The following NBAS variants were observed in gnomAD, a reference collection of about 807,000 sequenced individuals.
The protein encoded by NBAS is NAG/BC035112 fusion.
In NBAS, 219 loss-of-function variants were observed where a neutral mutation model predicts 302.5. That is an observed-to-expected ratio of 0.72 (90% CI 0.65 to 0.81). The LOEUF (loss-of-function observed/expected upper bound fraction) is 0.81. NBAS is among the 30% of genes least tolerant of loss of function. The pLI, the probability that NBAS is intolerant of heterozygous loss-of-function variation, is 0.00. For synonymous variants in NBAS, 1,118 were observed against 1,021.6 expected, an observed-to-expected ratio of 1.09 and a Z score of -1.80; for missense variants, 2,932 against 2,841.6, an observed-to-expected ratio of 1.03 and a Z score of -0.72.
intron 47 of NBAS, among the ~76,000 whole-genome samples, chr2:15,221,990 G>T (rs7594619): frequency 0.028 from 4,212 of 152,300 alleles, 113 homozygotes; most frequent in East Asian, 0.12. Context: ...TCACTCAATA[G>T]AGCAGAGCCT....
chr2:15,041,129 T>G, the NBAS span, among the ~76,000 whole-genome samples: 1 of 152,188 alleles, frequency 6.6e-6, no homozygotes, highest in African/African-American at 2.4e-5. Context: ...TCACTCTTCA[T>G]TCAAGCCAGA....
chr2:15,237,924 G>A lies in NBAS; in HGVS notation c.5943+544C>T, dbSNP rs187369226. Among the ~76,000 whole-genome samples, 111 of 152,128 alleles carry A rather than the reference G, an allele frequency of 7.3e-4. 1 individual carries two copies. The highest frequency in any genetic ancestry group is 1.7e-3 in the South Asian group (8 of 4,812). On this transcript the variant is annotated intron_variant, in intron 45 of 51. Transcript: ENST00000281513. ...TGAGTAGCTGGGACTACAGGCGCCC[G>A]CCATTGGGCCTGGCTAATTTTTTTG...
the NBAS span, among the ~76,000 whole-genome samples, chr2:14,864,641 T>C: frequency 6.6e-6 from 1 of 152,156 alleles, no homozygotes; most frequent in Non-Finnish European, 1.5e-5. Flanking sequence ...CAATAACACA[T>C]GGACTCGAGG....
the NBAS span, among the ~76,000 whole-genome samples, chr2:14,981,526 C>T: frequency 1.3e-3 from 204 of 152,320 alleles, 1 homozygote; most frequent in African/African-American, 4.5e-3. Context: ...AAATTATAAT[C>T]TTCCTTCCGT....
intron 23 of NBAS, among the ~76,000 whole-genome samples, chr2:15,419,385 A>C (rs1677101648): frequency 6.6e-6 from 1 of 151,352 alleles, no homozygotes; most frequent in Middle Eastern, 3.2e-3. Context: ...ATTAAAAGTA[A>C]AAATTGTGTG....
At chr2:15,058,179 G>C in the NBAS span, among the ~76,000 whole-genome samples, 1 of 152,170 alleles carries the variant, frequency 6.6e-6, no homozygotes, top group Admixed American at 6.5e-5. Context: ...CATATGAATC[G>C]ATCAGTGGTT....
chr2:15,116,413 G>A, the NBAS span, among the ~76,000 whole-genome samples: 2 of 92,316 alleles, frequency 2.2e-5, no homozygotes, highest in South Asian at 7.2e-4. Flanking sequence ...ACATGGCAGA[G>A]AGAGAGAGAG....
the NBAS span, among the ~76,000 whole-genome samples, chr2:14,910,662 A>G: frequency 1.3e-5 from 2 of 152,350 alleles, no homozygotes; most frequent in African/African-American, 4.8e-5. Flanking sequence ...TGAGGCTGAC[A>G]TTTGGAACGC....
chr2:15,129,618 G>T, the NBAS span, among the ~76,000 whole-genome samples: 1 of 152,084 alleles, frequency 6.6e-6, no homozygotes, highest in Non-Finnish European at 1.5e-5. Flanking sequence ...TTCTTTCGGG[G>T]CCCAATTCAA....
At chr2:15,182,077 G>C (rs1212989703) in intron 50 of NBAS, among the ~76,000 whole-genome samples, 1 of 152,204 alleles carries the variant, frequency 6.6e-6, no homozygotes, top group Non-Finnish European at 1.5e-5. Context: ...ATCTTGGCCA[G>C]CTGGGCCTCC....
the NBAS span, among the ~76,000 whole-genome samples, chr2:15,096,099 T>TATC: frequency 1.3e-5 from 2 of 152,224 alleles, no homozygotes; most frequent in Non-Finnish European, 2.9e-5. Context: ...TCTTTAGATG[T>TATC]ATCAGTTCCA....
At chr2:15,410,944 G>C (rs1676655150) in intron 25 of NBAS, among the ~76,000 whole-genome samples, 1 of 152,164 alleles carries the variant, frequency 6.6e-6, no homozygotes, top group Admixed American at 6.5e-5. Context: ...CAGTTCCGTG[G>C]GATCCCAGTG....
chr2:15,526,164 G>C (rs1318869706), intron 9 of NBAS, among the ~76,000 whole-genome samples: 1 of 152,162 alleles, frequency 6.6e-6, no homozygotes, highest in Admixed American at 6.5e-5. Context: ...AGGTGTTGGG[G>C]TAGGTTGAAG....
intron 35 of NBAS, among the ~76,000 whole-genome samples, chr2:15,343,203 G>A (rs1672938585): frequency 6.6e-6 from 1 of 152,058 alleles, no homozygotes; most frequent in Non-Finnish European, 1.5e-5. Flanking sequence ...AAGGAACTAG[G>A]ACAATCCCTT....
chr2:15,511,412 G>A (rs1173626442), intron 9 of NBAS, 62 bp from the exon 10 acceptor site: 1 of 1,493,370 alleles, frequency 6.7e-7, no homozygotes. Flanking sequence ...GCAAAACAAA[G>A]AGAGCAGAAA....
chr2:14,825,880 C>T, the NBAS span, among the ~76,000 whole-genome samples: 16,188 of 152,078 alleles, frequency 0.11, 978 homozygotes, highest in African/African-American at 0.12. Context: ...TGAAAGGACA[C>T]GGGTGTTCCA....
At chr2:14,982,317 A>T in the NBAS span, among the ~76,000 whole-genome samples, 1 of 152,246 alleles carries the variant, frequency 6.6e-6, no homozygotes, top group African/African-American at 2.4e-5. Context: ...CACGGCACAG[A>T]AGAACAACAC....
the NBAS span, among the ~76,000 whole-genome samples, chr2:15,051,215 G>A: frequency 1.3e-5 from 2 of 152,140 alleles, no homozygotes; most frequent in African/African-American, 2.4e-5. Flanking sequence ...CCTCTTGTTC[G>A]GCTGTCTGTT....
the NBAS span, among the ~76,000 whole-genome samples, chr2:14,868,126 A>T: frequency 6.6e-6 from 1 of 152,188 alleles, no homozygotes. Context: ...AATGAGACTG[A>T]AGGTCACAGA....
Sources: allele counts gnomAD v4.1 joint callset (sites outside exome capture counted in the v4.1 genomes callset), GRCh38; gene constraint gnomAD v4.1.1; transcripts MANE v1.5; gene names NCBI Gene and HGNC (gene_info 2026-07-23, HGNC 2026-07-21).